Variants in NR6A1 observed in about 807,000 individuals in gnomAD.
NR6A1 encodes the protein nuclear receptor subfamily 6 group A member 1.
A neutral mutation model predicts 59.1 loss-of-function variants in NR6A1; 7 were observed. That is an observed-to-expected ratio of 0.12 (90% CI 0.07 to 0.22). NR6A1 has a LOEUF of 0.22. NR6A1 is among the 10% of genes least tolerant of loss of function. The pLI, the probability that NR6A1 is intolerant of heterozygous loss-of-function variation, is 1.00. For missense variants in NR6A1, 468 were observed against 611.6 expected (o/e 0.77, Z 2.48); for synonymous variants, 243 against 236.1 (o/e 1.03, Z -0.27).
At chr9:124,630,501 G>T (rs537041157) in intron 2 of NR6A1, among the ~76,000 whole-genome samples, 5 of 150,926 alleles carry the variant, frequency 3.3e-5, no homozygotes, top group South Asian at 4.2e-4. Context: ...CCTCCAAAGT[G>T]CTGGGATTAC....
intron 1 of NR6A1, among the ~76,000 whole-genome samples, chr9:124,738,238 A>G (rs1395357068): frequency 6.6e-6 from 1 of 152,184 alleles, no homozygotes; most frequent in Non-Finnish European, 1.5e-5. Flanking sequence ...TGGGCAACAG[A>G]GCAAGACTCT....
chr9:124,681,867 G>T (rs1838172207), intron 2 of NR6A1, among the ~76,000 whole-genome samples: 1 of 152,066 alleles, frequency 6.6e-6, no homozygotes, highest in African/African-American at 2.4e-5. Flanking sequence ...TCATGCTTGG[G>T]TAAAAGATCC....
At chr9:124,650,445 G>A (rs778657511) in intron 2 of NR6A1, among the ~76,000 whole-genome samples, 2 of 152,090 alleles carry the variant, frequency 1.3e-5, no homozygotes, top group Non-Finnish European at 2.9e-5. Context: ...AAGGGTAGAG[G>A]GACAGTGGGG....
chr9:124,690,751 C>T (rs1427273290), intron 2 of NR6A1, among the ~76,000 whole-genome samples: 1 of 152,006 alleles, frequency 6.6e-6, no homozygotes, highest in Non-Finnish European at 1.5e-5. Flanking sequence ...TATCCTTGCA[C>T]CGAGTATATA....
intron 2 of NR6A1, among the ~76,000 whole-genome samples, chr9:124,566,829 C>A (rs901464734): frequency 6.6e-6 from 1 of 152,186 alleles, no homozygotes; most frequent in Non-Finnish European, 1.5e-5. Flanking sequence ...AGAGGACAGG[C>A]CGGGCGCGGT....
intron 2 of NR6A1, among the ~76,000 whole-genome samples, chr9:124,726,487 C>G (rs1413100942): frequency 6.6e-6 from 1 of 152,172 alleles, no homozygotes; most frequent in African/African-American, 2.4e-5. Flanking sequence ...GCTCACGTTC[C>G]ATGATTGCTT....
At chr9:124,644,119 T>G (rs1209382346) in intron 2 of NR6A1, among the ~76,000 whole-genome samples, 1 of 151,958 alleles carries the variant, frequency 6.6e-6, no homozygotes, top group East Asian at 1.9e-4. Context: ...CAGGATGGCC[T>G]TGATCTCTTG....
intron 2 of NR6A1, among the ~76,000 whole-genome samples, chr9:124,721,770 T>C (rs1452026260): frequency 6.6e-6 from 1 of 152,210 alleles, no homozygotes; most frequent in South Asian, 2.1e-4. Flanking sequence ...TTATATATGT[T>C]ATAAATCATT....
intron 1 of NR6A1, among the ~76,000 whole-genome samples, chr9:124,737,730 G>A (rs1381370371): frequency 6.6e-6 from 1 of 152,134 alleles, no homozygotes; most frequent in Admixed American, 6.6e-5. Flanking sequence ...GCCTGGCATG[G>A]CAGTGCACAC....
chr9:124,588,815 G>A (rs1471473151), intron 2 of NR6A1, among the ~76,000 whole-genome samples: 2 of 150,118 alleles, frequency 1.3e-5, no homozygotes, highest in Admixed American at 1.3e-4. Flanking sequence ...AGCTACTCGG[G>A]AGGCTGAGGC....
chr9:124,711,115 G>T (rs1054195743), intron 2 of NR6A1, among the ~76,000 whole-genome samples: 3 of 133,288 alleles, frequency 2.3e-5, no homozygotes, highest in African/African-American at 8.5e-5. Flanking sequence ...CACTGCCAAT[G>T]AATAATTATG....
chr9:124,682,402 A>G (rs957881774), intron 2 of NR6A1, among the ~76,000 whole-genome samples: 16 of 152,238 alleles, frequency 1.1e-4, no homozygotes, highest in African/African-American at 3.6e-4. Context: ...CTTTTTTTAT[A>G]TATCTACGTA....
intron 1 of NR6A1, among the ~76,000 whole-genome samples, chr9:124,764,217 G>T (rs975101847): frequency 6.6e-6 from 1 of 151,908 alleles, no homozygotes; most frequent in Non-Finnish European, 1.5e-5. Flanking sequence ...AAACTATCTG[G>T]TTAAGCTATT....
intron 2 of NR6A1, among the ~76,000 whole-genome samples, chr9:124,625,792 T>C (rs1047310025): frequency 6.6e-6 from 1 of 152,178 alleles, no homozygotes; most frequent in Non-Finnish European, 1.5e-5. Flanking sequence ...CCCTCCATAA[T>C]GTGAGTGTGC....
intron 1 of NR6A1, among the ~76,000 whole-genome samples, chr9:124,737,072 T>A (rs1490426107): frequency 6.6e-6 from 1 of 152,172 alleles, no homozygotes; most frequent in Non-Finnish European, 1.5e-5. Context: ...AATGTCACTT[T>A]GGTTACTTGC....
intron 2 of NR6A1, among the ~76,000 whole-genome samples, chr9:124,695,742 T>C (rs1838735015): frequency 6.6e-6 from 1 of 152,176 alleles, no homozygotes; most frequent in African/African-American, 2.4e-5. Context: ...CAGTCTTGTT[T>C]TTCAAGATGC....
chr9:124,651,391 C>T (rs1837100472), intron 2 of NR6A1, among the ~76,000 whole-genome samples: 2 of 152,148 alleles, frequency 1.3e-5, no homozygotes, highest in Admixed American at 1.3e-4. Context: ...TTTATCTCAG[C>T]CAAAAATTGA....
At chr9:124,699,661 C>T (rs756014340) in intron 2 of NR6A1, among the ~76,000 whole-genome samples, 10 of 152,268 alleles carry the variant, frequency 6.6e-5, no homozygotes, top group South Asian at 2.1e-4. Context: ...CAATTAAATT[C>T]GCCTGTTGTA....
intron 2 of NR6A1, among the ~76,000 whole-genome samples, chr9:124,593,486 T>C (rs1462174681): frequency 6.6e-6 from 1 of 152,178 alleles, no homozygotes; most frequent in Non-Finnish European, 1.5e-5. Flanking sequence ...CTTTGATGCA[T>C]GTGACCAAGA....
Sources: allele counts gnomAD v4.1 joint callset (sites outside exome capture counted in the v4.1 genomes callset), GRCh38; gene constraint gnomAD v4.1.1; transcripts MANE v1.5; gene names NCBI Gene and HGNC (gene_info 2026-07-23, HGNC 2026-07-21).